Variants in PTPRS observed in about 807,000 individuals in gnomAD.
PTPRS encodes protein tyrosine phosphatase receptor type S.
In PTPRS, 63 loss-of-function variants were observed where a neutral mutation model predicts 215.3. The observed-to-expected ratio is 0.29, with a 90% CI of 0.24 to 0.36. PTPRS has a LOEUF of 0.36. PTPRS is among the 10% of genes least tolerant of loss of function. PTPRS has a pLI of 1.00. For synonymous variants in PTPRS, 1,404 were observed against 1,191.4 expected, an observed-to-expected ratio of 1.18 and a Z score of -3.68; for missense variants, 2,258 against 2,825.8, an observed-to-expected ratio of 0.80 and a Z score of 4.56.
chr19:5,226,428 A>T (rs2042505082), intron 16 of PTPRS, among the ~76,000 whole-genome samples: 1 of 152,216 alleles, frequency 6.6e-6, no homozygotes. Context: ...CAGAGCTGTT[A>T]TTAAAAATTA....
At chr19:5,283,315 G>T (rs542538482) in intron 2 of PTPRS, among the ~76,000 whole-genome samples, 1 of 152,208 alleles carries the variant, frequency 6.6e-6, no homozygotes, top group East Asian at 1.9e-4. Flanking sequence ...CAGCACTTTC[G>T]CCTGTAATCC....
chr19:5,308,585 G>A (rs1315732397), intron 1 of PTPRS, among the ~76,000 whole-genome samples: 1 of 152,180 alleles, frequency 6.6e-6, no homozygotes, highest in Non-Finnish European at 1.5e-5. Context: ...CGCAGTCACA[G>A]GGGCAGACTC....
chr19:5,330,498 A>T (rs2050289398), intron 1 of PTPRS, among the ~76,000 whole-genome samples: 1 of 152,168 alleles, frequency 6.6e-6, no homozygotes, highest in South Asian at 2.1e-4. Context: ...TGTGGGTTTG[A>T]GGTTCCAACC....
At chr19:5,266,346 T>C (rs2146408532) in intron 4 of PTPRS, among the ~76,000 whole-genome samples, 1 of 152,272 alleles carries the variant, frequency 6.6e-6, no homozygotes, top group East Asian at 1.9e-4. Flanking sequence ...CTCGACCTCC[T>C]GGGCTCAAGG....
At chr19:5,226,202 C>T (rs2042483966) in intron 16 of PTPRS, among the ~76,000 whole-genome samples, 1 of 152,222 alleles carries the variant, frequency 6.6e-6, no homozygotes, top group East Asian at 1.9e-4. Flanking sequence ...CCCTCCATGG[C>T]TCCCACCTCT....
At chr19:5,249,972 G>C (rs2044848577) in intron 9 of PTPRS, among the ~76,000 whole-genome samples, 1 of 152,098 alleles carries the variant, frequency 6.6e-6, no homozygotes, top group African/African-American at 2.4e-5. Flanking sequence ...ACTTTTTTTA[G>C]AAGTAGAGAC....
At position 5,263,747 on chromosome 19, in the gene PTPRS, C is replaced by T. The variant is rs150064844; in HGVS notation, c.569-775G>A. On this transcript the variant is annotated intron_variant, in intron 5 of 37. Transcript: ENST00000262963. Reference sequence around the variant, plus strand: ...CACTAGGGAGGTGCAGGCTGAGAGGCGCGTGCGCGGATCACTGCCCTGTGT... The same window carrying T: ...CACTAGGGAGGTGCAGGCTGAGAGGTGCGTGCGCGGATCACTGCCCTGTGT... Among the ~76,000 whole-genome samples, 669 of 152,370 alleles carry T rather than the reference C, an allele frequency of 4.4e-3. 8 individuals carry two copies. Among genetic ancestry groups the T allele is most frequent in the African/African-American group, 0.016 (645 of 41,602 alleles).
chr19:5,293,005 G>C lies in PTPRS; in HGVS notation c.-94-6771C>G, dbSNP rs1312093218. The C allele has an allele frequency of 1.3e-5, 2 of 152,264 alleles. No individual in the cohort carries two copies. The highest frequency in any genetic ancestry group is 1.5e-5 in the Non-Finnish European group (1 of 68,128). The allele number at this position is 152,264 out of a possible 1,614,324, so 9.4% of individuals were successfully genotyped here. ...CCCAAGCTGGCCCTGGAGGGCGGCC[G>C]GCACGGTCAGGCCCGCGCTGGGCTG... is the stretch of plus-strand genomic sequence containing the variant. On this transcript the variant is annotated intron_variant, in intron 1 of 37. Transcript: ENST00000262963. This position sits in a 1 kb window ranked among gnomAD's most constrained non-coding sequence, Gnocchi z 8.4.
chr19:5,264,637 A>G (rs2046270963), intron 5 of PTPRS, among the ~76,000 whole-genome samples: 5 of 151,658 alleles, frequency 3.3e-5, no homozygotes, highest in African/African-American at 1.2e-4. Context: ...ATCACCCACA[A>G]CTGTCTGTGG....
At chr19:5,274,681 T>C (rs1461501666) in intron 2 of PTPRS, among the ~76,000 whole-genome samples, 1 of 151,316 alleles carries the variant, frequency 6.6e-6, no homozygotes, top group African/African-American at 2.4e-5. Flanking sequence ...ACAGTGCCAC[T>C]GGGAAAGATG....
At chr19:5,209,295 C>T (rs576216870) in intron 35 of PTPRS, among the ~76,000 whole-genome samples, 3 of 152,198 alleles carry the variant, frequency 2.0e-5, no homozygotes, top group South Asian at 4.1e-4. Flanking sequence ...TTCCATCCTT[C>T]ACAACTCAAT....
At chr19:5,286,016 G>A (rs369332626) in intron 2 of PTPRS, 34 bp downstream of exon 2, 739 of 1,585,714 alleles carry the variant, frequency 4.7e-4, no homozygotes, top group African/African-American at 2.6e-3. Flanking sequence ...AAACAAACAC[G>A]CAGACCCCTG....
At chr19:5,280,119 C>T (rs918448051) in intron 2 of PTPRS, among the ~76,000 whole-genome samples, 4 of 152,190 alleles carry the variant, frequency 2.6e-5, no homozygotes, top group Non-Finnish European at 5.9e-5. Context: ...ACTTGAGCAA[C>T]GCTAGGACTT....
At chr19:5,209,565 A>G (rs115846223) in intron 35 of PTPRS, among the ~76,000 whole-genome samples, 2,618 of 152,252 alleles carry the variant, frequency 0.017, 74 homozygotes, top group African/African-American at 0.06. Context: ...CCATTGGTTT[A>G]TACCATTGAC....
intron 1 of PTPRS, among the ~76,000 whole-genome samples, chr19:5,296,879 G>A (rs2049151835): frequency 6.6e-6 from 1 of 152,158 alleles, no homozygotes; most frequent in Non-Finnish European, 1.5e-5. Flanking sequence ...CTCAGCTGCT[G>A]TGGGGAGGGC....
rs185265536 is a variant in PTPRS, at chr19:5,307,221, T to C, written c.-94-20987A>G. ...AACTCGGGATGCTGAGGCAGGAGAATTGCTTGAACTCAGGAGGCAGAGGCT... is the reference window on the plus strand; with the variant it reads ...AACTCGGGATGCTGAGGCAGGAGAACTGCTTGAACTCAGGAGGCAGAGGCT... On this transcript the variant is annotated intron_variant, in intron 1 of 37. Transcript: ENST00000262963. Among the ~76,000 whole-genome samples, 24 of 152,300 alleles carry C rather than the reference T, an allele frequency of 1.6e-4. No homozygotes were observed. In the East Asian group the frequency reaches 3.9e-3, roughly 24 times the overall value.
Position 5,299,183 on chromosome 19 carries a change from C to T in PTPRS, c.-94-12949G>A, listed in dbSNP as rs554405601. The stretch of plus-strand genomic sequence containing the variant: ...CTCCTCTGCCCACAGCCCTCCATGG[C>T]TCCCACCTCCCTCAGGGTCAAAGCC... On this transcript the variant is annotated intron_variant, in intron 1 of 37. Coordinates refer to ENST00000262963, the MANE Select transcript of PTPRS (RefSeq NM_002850.4). Among the ~76,000 whole-genome samples, 20 of 152,320 alleles carry T rather than the reference C, an allele frequency of 1.3e-4. 1 individual carries two copies. In the East Asian group the frequency reaches 3.9e-3, roughly 29 times the overall value.
In PTPRS at chr19:5,206,115, C is replaced by T. The variant is rs1184569093; in HGVS notation, c.*659G>A. Among the ~76,000 whole-genome samples the T allele has an allele frequency of 2.0e-5, 3 of 146,592 alleles. No homozygotes were observed. Among genetic ancestry groups the T allele is most frequent in the East Asian group, 2.0e-4 (1 of 5,048 alleles). On this transcript the variant is annotated 3_prime_UTR_variant, in exon 38 of 38. Transcript: ENST00000262963. ...GGTACAGCCATGGGCCTGGCGTGCG[C>T]GTTTGCGAACGTAACTATCACACAA...
intron 1 of PTPRS, among the ~76,000 whole-genome samples, chr19:5,303,660 A>G (rs1452770283): frequency 2.0e-5 from 3 of 152,022 alleles, no homozygotes; most frequent in Admixed American, 1.3e-4. Flanking sequence ...TTTGAGGGGT[A>G]ATAGGAGTGA....
Sources: allele counts gnomAD v4.1 joint callset (sites outside exome capture counted in the v4.1 genomes callset), GRCh38; gene constraint gnomAD v4.1.1; non-coding constraint Gnocchi (gnomAD v3.1); transcripts MANE v1.5; gene names NCBI Gene and HGNC (gene_info 2026-07-23, HGNC 2026-07-21).